Variants in CA6 observed in about 807,000 individuals in gnomAD.
The protein encoded by CA6 is carbonic anhydrase 6, also known as carbonate dehydratase VI.
Under a neutral mutation model 35.9 loss-of-function variants are expected in CA6, and 28 were observed. The observed-to-expected ratio is 0.78, with a 90% CI of 0.58 to 1.07. The LOEUF is 1.07. Ranked by LOEUF, CA6 falls within the 50% of genes least tolerant of loss-of-function variation. CA6 has a pLI of 0.00. For missense variants in CA6, 377 were observed against 382.0 expected (o/e 0.99, Z 0.11); for synonymous variants, 148 against 152.6 (o/e 0.97, Z 0.22).
intron 6 of CA6, among the ~76,000 whole-genome samples, chr1:8,969,581 A>G (rs1282928955): frequency 6.6e-6 from 1 of 152,098 alleles, no homozygotes; most frequent in African/African-American, 2.4e-5. Context: ...TCAGGAAGAG[A>G]TACCAAGTCA....
In CA6 at chr1:8,949,845, A is replaced by G. The variant is rs374505785; in HGVS notation, c.259+403A>G. On this transcript the variant is annotated intron_variant, in intron 2 of 7. Coordinates refer to ENST00000377443, the MANE Select transcript of CA6 (RefSeq NM_001215.4). ...ATTCAGCTCAAAGCACCTGACAGGT[A>G]GGACCAGGGTTTCTCAGAGTTTTAA... Among the ~76,000 whole-genome samples, 18 of 152,264 alleles carry G rather than the reference A, an allele frequency of 1.2e-4. 1 individual carries two copies. The highest frequency in any genetic ancestry group is 3.9e-4 in the African/African-American group (16 of 41,514).
intron 4 of CA6, 56 bp from the exon 5 acceptor site, chr1:8,962,531 C>A: frequency 7.2e-7 from 1 of 1,391,108 alleles, no homozygotes; most frequent in Non-Finnish European, 1.0e-6. Flanking sequence ...GGATTAGTAG[C>A]GATGGTGCTG....
intron 5 of CA6, among the ~76,000 whole-genome samples, chr1:8,965,300 G>A (rs1027233197): frequency 6.6e-6 from 1 of 152,092 alleles, no homozygotes; most frequent in African/African-American, 2.4e-5. Context: ...GTACAGTTCA[G>A]TAGCATTAAG....
intron 7 of CA6, among the ~76,000 whole-genome samples, chr1:8,973,819 C>T (rs1382723866): frequency 1.4e-4 from 18 of 130,362 alleles, no homozygotes; most frequent in African/African-American, 2.1e-4. Context: ...CTCTCTCTCT[C>T]TTTCTTCCTC....
At chr1:8,974,410 G>A (rs1569743016) in intron 7 of CA6, 22 of 1,539,218 alleles carry the variant, frequency 1.4e-5, no homozygotes, top group East Asian at 2.4e-5. Flanking sequence ...ACCTCAACAC[G>A]CCACCCCTTG....
In CA6 at chr1:8,949,508, G is replaced by A. The variant is rs1319644284; in HGVS notation, c.259+66G>A. 4.4e-6 allele frequency: 6 copies of A among 1,360,678 alleles called. No homozygotes were observed. The African/African-American group carries it at 5.9e-5, about 13-fold the overall frequency. The allele number at this position is 1,360,678 out of a possible 1,614,324, so 84.3% of individuals were successfully genotyped here. On this transcript the variant is annotated intron_variant, in intron 2 of 7. Transcript: ENST00000377443. ...GCCTGCAGGGGAAGGCAGGTTACAC[G>A]TGTCCCTGCCAGGAATGGCTTGCAC...
chr1:8,948,232 A>G (rs1315669669), intron 1 of CA6, among the ~76,000 whole-genome samples: 1 of 152,126 alleles, frequency 6.6e-6, no homozygotes, highest in Non-Finnish European at 1.5e-5. Flanking sequence ...TCCATGTCAC[A>G]TGGCTGACTC....
intron 6 of CA6, among the ~76,000 whole-genome samples, chr1:8,968,488 T>A (rs867060537): frequency 2.0e-5 from 3 of 150,898 alleles, no homozygotes; most frequent in Non-Finnish European, 4.4e-5. Flanking sequence ...GAAAAAAAAA[T>A]ACAAAACATA....
intron 1 of CA6, among the ~76,000 whole-genome samples, chr1:8,946,808 T>G (rs1032547435): frequency 6.8e-6 from 1 of 146,826 alleles, no homozygotes; most frequent in Non-Finnish European, 1.5e-5. Context: ...TTTTTTTGTT[T>G]TTTTTTTTTT....
At chr1:8,956,672 A>G (rs1414362954) in intron 2 of CA6, among the ~76,000 whole-genome samples, 1 of 152,200 alleles carries the variant, frequency 6.6e-6, no homozygotes, top group Non-Finnish European at 1.5e-5. Context: ...GCATGAAAAA[A>G]AACAAAGAAA....
chr1:8,946,821 TGA>T (rs1639379810), intron 1 of CA6, among the ~76,000 whole-genome samples: 1 of 114,156 alleles, frequency 8.8e-6, no homozygotes, highest in African/African-American at 3.3e-5. Context: ...TTTTTTTTTT[TGA>T]GACAGAGTCT....
chr1:8,953,285 C>A (rs578070884), intron 2 of CA6, among the ~76,000 whole-genome samples: 2 of 152,092 alleles, frequency 1.3e-5, no homozygotes, highest in Non-Finnish European at 2.9e-5. Flanking sequence ...CAAAGACATC[C>A]GGGCTGCTTC....
chr1:8,959,154 C>T, intron 4 of CA6, 152 bp downstream of exon 4: 1 of 609,384 alleles, frequency 1.6e-6, no homozygotes, highest in South Asian at 2.0e-5. Flanking sequence ...GATGGAAGAT[C>T]ACTGTGCTCC....
chr1:8,951,694 C>T (rs770741001), intron 2 of CA6: 1 of 763,948 alleles, frequency 1.3e-6, no homozygotes, highest in Admixed American at 1.7e-5. Context: ...CCTGTACCTT[C>T]TTCCTTTAGG....
chr1:8,955,616 G>GCACGCCTCCTTTTAAGACCCTTC (rs1553162682), intron 2 of CA6, among the ~76,000 whole-genome samples: 4 of 150,118 alleles, frequency 2.7e-5, no homozygotes, highest in African/African-American at 9.9e-5. Context: ...CACTGACCTT[G>GCACGCCTCCTTTTAAGACCCTTC]CACGCCTCCT....
Position 8,954,354 on chromosome 1 carries a change from G to A in CA6, c.260-2783G>A, listed in dbSNP as rs193221952. On this transcript the variant is annotated intron_variant, in intron 2 of 7. Coordinates refer to ENST00000377443, the MANE Select transcript of CA6 (RefSeq NM_001215.4). ...TAAGTTTTATAATTTTAGTAAAGAC[G>A]GGGTTTCGCCATGTCGGCCAGGCTG... 3.3e-5 allele frequency among the ~76,000 whole-genome samples: 5 copies of A among 152,242 alleles called. No individual in the cohort carries two copies. In the East Asian group the frequency reaches 5.8e-4, roughly 18 times the overall value.
intron 6 of CA6, among the ~76,000 whole-genome samples, chr1:8,969,190 C>T (rs1273174006): frequency 6.6e-6 from 1 of 151,720 alleles, no homozygotes; most frequent in African/African-American, 2.4e-5. Flanking sequence ...TGGTGTGAAC[C>T]TATAATCCCA....
chr1:8,951,655 C>T (rs754485409), intron 2 of CA6: 15 of 764,984 alleles, frequency 2.0e-5, no homozygotes, highest in African/African-American at 1.0e-4. Context: ...GGGCTTGCAG[C>T]GGCTCCCGCC....
Position 8,955,765 on chromosome 1 carries a change from G to A in CA6, c.260-1372G>A, listed in dbSNP as rs548278977. 2.2e-4 allele frequency among the ~76,000 whole-genome samples: 33 copies of A among 150,076 alleles called. No homozygotes were observed. In the South Asian group the frequency reaches 6.5e-3, roughly 30 times the overall value. ...ACAGCCGGTGAAAACCTTTCAGGCC[G>A]GATTACTGCATTATAGCACATTACG... On this transcript the variant is annotated intron_variant, in intron 2 of 7. Transcript: ENST00000377443.
Sources: gnomAD v4.1 joint callset for allele counts (sites outside exome capture counted in the v4.1 genomes callset) on GRCh38, gnomAD v4.1.1 for gene constraint, MANE v1.5 for transcripts, NCBI Gene and HGNC (gene_info 2026-07-23, HGNC 2026-07-21) for gene names.